PASK: variants seen among roughly 807,000 people sequenced by gnomAD.
The protein encoded by PASK is PAS domain-containing serine/threonine-protein kinase.
PASK carries 110 observed loss-of-function variants against 121.0 expected under a neutral mutation model. The observed-to-expected ratio is 0.91, with a 90% confidence interval of 0.78 to 1.06. PASK has a LOEUF of 1.06. PASK is among the 50% of genes least tolerant of loss of function. The probability of loss-of-function intolerance (pLI) is 0.00; values close to 1 mark genes in which losing one functional copy is unlikely to be tolerated. For missense variants in PASK, 1,643 were observed against 1,702.3 expected (o/e 0.97, Z 0.61); for synonymous variants, 686 against 717.8 (o/e 0.96, Z 0.71).
chr2:241,135,843 C>T (rs535161870), intron 8 of PASK, 28 bp downstream of exon 8: 20 of 1,605,382 alleles, frequency 1.2e-5, no homozygotes, highest in Admixed American at 6.7e-5. Flanking sequence ...CAGCTACAGG[C>T]GCATTCAGGA....
Position 241,108,747 on chromosome 2 carries a change from A to G in PASK, c.3534-447T>C, listed in dbSNP as rs2064988987. 6.4e-6 allele frequency: 2 copies of G among 310,102 alleles called. No individual in the cohort carries two copies. The highest frequency in any genetic ancestry group is 1.3e-5 in the Non-Finnish European group (2 of 157,478). The allele number at this position is 310,102 out of a possible 1,614,324, so 19.2% of individuals were successfully genotyped here. A position where few individuals can be genotyped will look rare whatever the true frequency, so the allele number is the denominator to read the frequency against. ...GTGAACGGGCTTGGTGTGACCATGG[A>G]CACACATGCCCTTTAGGAAGATGGC... On this transcript the variant is annotated intron_variant, in intron 15 of 17. Coordinates refer to ENST00000234040, the MANE Select transcript of PASK (RefSeq NM_015148.4). The surrounding 1 kb of genome is among the most constrained non-coding windows in gnomAD (Gnocchi z 5.2).
At chr2:241,133,129 T>C in intron 8 of PASK, 99 bp from the exon 9 acceptor site, 1 of 1,240,718 alleles carries the variant, frequency 8.1e-7, no homozygotes, top group Non-Finnish European at 1.2e-6. Flanking sequence ...CTTCACAGCA[T>C]GACCAGCATC....
In PASK at chr2:241,126,711, T is replaced by A; in HGVS notation, c.2204A>T (p.Asp735Val). 1 of 1,614,148 alleles carries A rather than the reference T, an allele frequency of 6.2e-7. No homozygotes were observed. The highest frequency in any genetic ancestry group is 8.5e-7 in the Non-Finnish European group (1 of 1,180,036). Reference protein sequence around the residue: ...GLEAVEAQEVDVNSFSWNLKE... With the variant: ...GLEAVEAQEVVVNSFSWNLKE... Reference sequence around the variant, plus strand: ...GAGGTTCCAGGAAAACGAATTCACATCAACCTCCTGGGCCTCCACTGCTTC... The same window carrying A: ...GAGGTTCCAGGAAAACGAATTCACAACAACCTCCTGGGCCTCCACTGCTTC... The change falls in exon 10 of 18, where the codon GAT (aspartate) becomes GTT (valine). Residue 735 changes from aspartate (D) to valine (V), a missense_variant. By Grantham distance (152) the Asp-to-Val change is radical. Around this residue, in one of 3 missense-constraint regions of PASK, gnomAD observed 1,176 missense variants for 1,162.2 expected, o/e 1.01. Transcript: ENST00000234040.
rs193170379 is a variant in PASK at position 241,120,366 on chromosome 2, A to G, written c.3072+2366T>C. On this transcript the variant is annotated intron_variant, in intron 12 of 17. Coordinates refer to ENST00000234040, the MANE Select transcript of PASK (RefSeq NM_015148.4). ...AAATCAGCTGGGCCTGGTGGTGTGC[A>G]CCTGTGATCCCAGCTACTCAGGAGG... Among the ~76,000 whole-genome samples the G allele has an allele frequency of 1.5e-4, 23 of 152,160 alleles. No individual in the cohort carries two copies. In the East Asian group the frequency reaches 3.7e-3, roughly 24 times the overall value.
chr2:241,136,606 C>T (rs2066446957), intron 7 of PASK, among the ~76,000 whole-genome samples: 1 of 152,244 alleles, frequency 6.6e-6, no homozygotes, highest in Admixed American at 6.5e-5. Context: ...CCTGTGGGAA[C>T]CCCTCATCCA....
chr2:241,137,549 G>A (rs539883091), intron 6 of PASK, among the ~76,000 whole-genome samples: 1 of 152,324 alleles, frequency 6.6e-6, no homozygotes, highest in East Asian at 1.9e-4. Context: ...AGGGAGGGAG[G>A]GAGGGAGGAC....
chr2:241,126,169 C>T lies in PASK; in HGVS notation c.2719+27G>A, dbSNP rs145677689. On this transcript the variant is annotated intron_variant, in intron 10 of 17. Coordinates refer to ENST00000234040, the MANE Select transcript of PASK (RefSeq NM_015148.4). ...TGCACTGTGCTCTGGGAGCACCACA[C>T]TTCTTCCTATGGGGCCCGGGACATA... is the stretch of plus-strand genomic sequence containing the variant. The T allele has an allele frequency of 2.1e-3, 3,314 of 1,611,364 alleles. 3 individuals are homozygous for T. Among genetic ancestry groups the T allele is most frequent in the Non-Finnish European group, 2.6e-3 (3,041 of 1,177,910 alleles).
chr2:241,120,492 C>CAAAAAAAAAAAAAAAAAAAAAAA lies in PASK; in HGVS notation c.3072+2239_3072+2240insTTTTTTTTTTTTTTTTTTTTTTT, dbSNP rs568145375. On this transcript the variant is annotated intron_variant, in intron 12 of 17. Transcript: ENST00000234040. ...TGGGCGACAAAGCAAGACTCTGTCT[C>CAAAAAAAAAAAAAAAAAAAAAAA]AAAAGAAAAAAAAAATGGGCAAAGG... 5.0e-5 allele frequency among the ~76,000 whole-genome samples: 7 copies of CAAAAAAAAAAAAAAAAAAAAAAA among 140,048 alleles called. 1 individual carries two copies. The East Asian group carries it at 8.1e-4, about 16-fold the overall frequency. 91.9% of individuals were successfully genotyped at this position (140,048 alleles called of 152,430 possible). A position where few individuals can be genotyped will look rare whatever the true frequency, so the allele number is the denominator to read the frequency against.
At chr2:241,142,648 G>C (rs1479194620) in intron 2 of PASK, among the ~76,000 whole-genome samples, 189 bp downstream of exon 2, 2 of 152,254 alleles carry the variant, frequency 1.3e-5, no homozygotes, top group Admixed American at 1.3e-4. Context: ...AATCACAGCA[G>C]AGTAAAAGCA....
chr2:241,127,329 A>T lies in PASK; in HGVS notation c.1586T>A (p.Leu529His), dbSNP rs758062545. Reference sequence around the variant, plus strand: ...TGGTTCAGACCTGCTTTCTCCCAGAAGATCCTGTCCGGGGCTCTCTATTGC... The same window carrying T: ...TGGTTCAGACCTGCTTTCTCCCAGATGATCCTGTCCGGGGCTCTCTATTGC... ...PVAIESPGQDLLGESRSEPVD... is the reference protein window; with the variant it reads ...PVAIESPGQDHLGESRSEPVD... Residue 529 changes from leucine (L) to histidine (H), a missense_variant, in exon 10 of 18, where the codon CTT (leucine) becomes CAT (histidine). Around this residue, in one of 3 missense-constraint regions of PASK, gnomAD observed 1,176 missense variants for 1,162.2 expected, o/e 1.01. Coordinates refer to ENST00000234040, the MANE Select transcript of PASK (RefSeq NM_015148.4). 1 of 1,614,240 alleles carries T rather than the reference A, an allele frequency of 6.2e-7. No individual in the cohort carries two copies. The highest frequency in any genetic ancestry group is 8.5e-7 in the Non-Finnish European group (1 of 1,180,038).
chr2:241,122,783 A>G lies in PASK; in HGVS notation c.3021T>C (p.Ser1007=). ...QKYSTMSPLG[S]GAFGFVWTAV... is the part of the protein sequence containing the mutation. ...CAGTCCACACGAAGCCGAAGGCCCCACTGCCCAGCGGGCTCATGGTACTGT... is the reference window on the plus strand; with the variant it reads ...CAGTCCACACGAAGCCGAAGGCCCCGCTGCCCAGCGGGCTCATGGTACTGT... The change falls in exon 12 of 18, where the codon AGT becomes AGC. Residue 1007 remains serine (S), a synonymous_variant. Transcript: ENST00000234040. 6.2e-7 allele frequency: 1 copy of G among 1,614,104 alleles called. No homozygotes were observed. Among genetic ancestry groups the G allele is most frequent in the Non-Finnish European group, 8.5e-7 (1 of 1,179,994 alleles).
At chr2:241,140,412 G>A (rs892541278) in intron 3 of PASK, 109 bp downstream of exon 3, 48 of 859,642 alleles carry the variant, frequency 5.6e-5, no homozygotes, top group African/African-American at 4.2e-4. Context: ...CCCACCTCCC[G>A]AAGTGCCCAA....
rs771674044 is a variant in PASK at position 241,127,176 on chromosome 2, C to A, written c.1739G>T (p.Gly580Val). ...AGCCCAAAGGTCTGAACCGCTGGGA[C>A]CACTGACTCCCATCCGCTCTAGCTG... is the stretch of plus-strand genomic sequence containing the variant. ...KAQLERMGVS[G>V]PSGSDLWAGA... is the part of the protein sequence containing the mutation. The change falls in exon 10 of 18, where the codon GGT becomes GTT. Residue 580 changes from glycine (G) to valine (V), a missense_variant. By Grantham distance (109) the Gly-to-Val change is moderately radical (BLOSUM62 -3). This residue lies in a region of PASK where 1,176 missense variants were observed against 1,162.2 expected (regional missense o/e 1.01). Coordinates refer to ENST00000234040, the MANE Select transcript of PASK (RefSeq NM_015148.4). The A allele has an allele frequency of 1.2e-5, 19 of 1,614,002 alleles. No homozygotes were observed. The highest frequency in any genetic ancestry group is 1.7e-5 in the Admixed American group (1 of 60,010).
rs1425353805 is a variant in PASK at position 241,112,851 on chromosome 2, C to A, written c.3334-412G>T. 1.9e-5 allele frequency: 4 copies of A among 213,494 alleles called. No homozygotes were observed. Among genetic ancestry groups the A allele is most frequent in the Non-Finnish European group, 3.8e-5 (4 of 105,044 alleles). 13.2% of individuals were successfully genotyped at this position (213,494 alleles called of 1,614,324 possible). A position where few individuals can be genotyped will look rare whatever the true frequency, so the allele number is the denominator to read the frequency against. ...CAGGTTTGGTGTTAAGTGGGAAGTA[C>A]CCAAGAGAAAGCACCAAGTCGATAA... On this transcript the variant is annotated intron_variant, in intron 14 of 17. Coordinates refer to ENST00000234040, the MANE Select transcript of PASK (RefSeq NM_015148.4). The surrounding 1 kb of genome is among the most constrained non-coding windows in gnomAD (Gnocchi z 5.2).
Position 241,107,411 on chromosome 2 carries a change from T to A in PASK, c.3756A>T (p.Thr1252=). The A allele has an allele frequency of 1.2e-6, 2 of 1,614,016 alleles. No individual in the cohort carries two copies. Among genetic ancestry groups the A allele is most frequent in the Non-Finnish European group, 1.7e-6 (2 of 1,179,864 alleles). The change falls in exon 17 of 18, where the codon ACA becomes ACT. Residue 1252 remains threonine, a synonymous_variant. Transcript: ENST00000234040. ...TATAGTCAGCAAGATTCACAGGCTGTGTTACCCACGGGTCTGTCACCAGCT... is the reference window on the plus strand; with the variant it reads ...TATAGTCAGCAAGATTCACAGGCTGAGTTACCCACGGGTCTGTCACCAGCT... ...LEKLVTDPWV[T]QPVNLADYTW...
At chr2:241,129,927 C>T (rs2240547) in intron 9 of PASK, among the ~76,000 whole-genome samples, 24,730 of 152,174 alleles carry the variant, frequency 0.16, 2,959 homozygotes, top group East Asian at 0.66. Context: ...GGGGTCTCTT[C>T]GAGGACCTGA....
upstream of PASK, chr2:241,149,601 G>A (rs187718988): frequency 9.3e-6 from 14 of 1,509,962 alleles, no homozygotes; most frequent in Middle Eastern, 1.7e-4. Flanking sequence ...GGTTGCTAGG[G>A]ACGCACCAAA....
chr2:241,128,002 G>A (rs771893274), intron 9 of PASK, among the ~76,000 whole-genome samples: 11 of 152,372 alleles, frequency 7.2e-5, no homozygotes, highest in African/African-American at 1.4e-4. Flanking sequence ...CCAGGGGGCC[G>A]GGCGTGGTGG....
Position 241,122,716 on chromosome 2 carries a change from C to A in PASK, c.3072+16G>T, listed in dbSNP as rs200737770. The stretch of plus-strand genomic sequence containing the variant: ...AAGTGGTGCCCGGCGCCACTCCCCC[C>A]CCACAGCCAGGTTACCTCCTTGTTT... On this transcript the variant is annotated intron_variant, in intron 12 of 17. Coordinates refer to ENST00000234040, the MANE Select transcript of PASK (RefSeq NM_015148.4). 1.1e-4 allele frequency: 182 copies of A among 1,613,164 alleles called. No homozygotes were observed. The highest frequency in any genetic ancestry group is 6.1e-4 in the African/African-American group (46 of 74,908).
Sources: allele counts gnomAD v4.1 joint callset (sites outside exome capture counted in the v4.1 genomes callset), GRCh38; gene constraint gnomAD v4.1.1; regional missense constraint gnomAD v4.1.1; non-coding constraint Gnocchi (gnomAD v3.1); transcripts MANE v1.5; gene names NCBI Gene and HGNC (gene_info 2026-07-23, HGNC 2026-07-21).